POC1A: variants seen among roughly 807,000 people sequenced by gnomAD.
POC1A encodes POC1 centriolar protein homolog A.
Under a neutral mutation model 47.8 loss-of-function variants are expected in POC1A, and 34 were observed. The ratio of observed to expected loss-of-function variants is 0.71; its 90% confidence interval spans 0.54 to 0.95. The LOEUF (loss-of-function observed/expected upper bound fraction) is 0.95, where lower values mean the gene tolerates loss of function less well. POC1A is among the 40% of genes least tolerant of loss of function. The pLI is 0.00. For missense variants in POC1A, 466 were observed against 528.3 expected (o/e 0.88, Z 1.16); for synonymous variants, 177 against 207.6 (o/e 0.85, Z 1.27).
chr3:52,109,613 C>T (rs1703311692), intron 9 of POC1A, among the ~76,000 whole-genome samples: 2 of 152,110 alleles, frequency 1.3e-5, no homozygotes, highest in South Asian at 2.1e-4. Context: ...CTGGGATTTG[C>T]AAGCATAGGA....
chr3:52,106,510 CTAAA>C (rs1169677506), intron 9 of POC1A, among the ~76,000 whole-genome samples: 1 of 152,058 alleles, frequency 6.6e-6, no homozygotes, highest in Non-Finnish European at 1.5e-5. Context: ...GATCCTATTT[CTAAA>C]TAAATAAATA....
intron 6 of POC1A, among the ~76,000 whole-genome samples, chr3:52,141,873 C>T (rs1698204708): frequency 6.6e-6 from 1 of 152,104 alleles, no homozygotes; most frequent in Non-Finnish European, 1.5e-5. Flanking sequence ...GACAATGTAT[C>T]AGGCCAGGCG....
chr3:52,105,591 C>T (rs1046414148), intron 9 of POC1A, among the ~76,000 whole-genome samples: 13 of 152,300 alleles, frequency 8.5e-5, no homozygotes, highest in Admixed American at 8.5e-4. Flanking sequence ...AAGCCTATAC[C>T]GAATTCACCA....
chr3:52,096,692 G>C lies in POC1A; in HGVS notation c.1002C>G (p.Val334=), dbSNP rs573762556. ...CCACACTCCTGCCTCTGCCTGGGGG[G>C]ACAGGGAAGTCCACTTCTGGCTAAA... The part of the protein sequence containing the change: ...MGNLPEVDFP[V]PPGRGRSVES... Residue 334 remains valine (V), a synonymous_variant, in exon 10 of 11, where the codon GTC becomes GTG. Coordinates refer to ENST00000296484, the MANE Select transcript of POC1A (RefSeq NM_015426.5). 1.9e-6 allele frequency: 3 copies of C among 1,596,916 alleles called. No individual in the cohort carries two copies. Among genetic ancestry groups the C allele is most frequent in the African/African-American group, 1.4e-5 (1 of 73,648 alleles).
chr3:52,088,385 T>C (rs1400907305), intron 10 of POC1A, among the ~76,000 whole-genome samples: 3 of 152,208 alleles, frequency 2.0e-5, no homozygotes, highest in Non-Finnish European at 4.4e-5. Flanking sequence ...CCAAATGCCA[T>C]GCTAAGTTCA....
intron 6 of POC1A, among the ~76,000 whole-genome samples, chr3:52,140,057 T>C (rs899786142): frequency 4.6e-5 from 7 of 152,130 alleles, no homozygotes; most frequent in African/African-American, 1.7e-4. Flanking sequence ...CCAACCGTCA[T>C]CTTAGCACTG....
At chr3:52,083,697 GT>G (rs959100589) in intron 10 of POC1A, among the ~76,000 whole-genome samples, 5 of 152,190 alleles carry the variant, frequency 3.3e-5, no homozygotes, top group African/African-American at 9.7e-5. Flanking sequence ...CAGAGTGTGT[GT>G]CTGGCCACCT....
intron 7 of POC1A, among the ~76,000 whole-genome samples, chr3:52,128,876 C>G (rs1455109600): frequency 1.3e-5 from 2 of 152,198 alleles, no homozygotes; most frequent in East Asian, 3.8e-4. Flanking sequence ...ATGACACCTT[C>G]AATAGATCCT....
At chr3:52,118,120 C>T (rs1371378203) in intron 9 of POC1A, among the ~76,000 whole-genome samples, 3 of 152,210 alleles carry the variant, frequency 2.0e-5, no homozygotes, top group Admixed American at 2.0e-4. Flanking sequence ...TGCCCACCCT[C>T]AAGCCCCTCT....
intron 1 of POC1A, among the ~76,000 whole-genome samples, chr3:52,153,486 G>C (rs983327776): frequency 2.0e-5 from 3 of 152,246 alleles, no homozygotes; most frequent in Admixed American, 6.5e-5. Context: ...CAACAACAGA[G>C]GGAGGAGCAG....
At chr3:52,139,735 A>G (rs1698121490) in intron 6 of POC1A, among the ~76,000 whole-genome samples, 1 of 152,196 alleles carries the variant, frequency 6.6e-6, no homozygotes, top group East Asian at 1.9e-4. Context: ...AGCAGGACTC[A>G]GAAAGTGGTT....
At chr3:52,082,839 G>A (rs1421551367) in intron 10 of POC1A, among the ~76,000 whole-genome samples, 1 of 152,090 alleles carries the variant, frequency 6.6e-6, no homozygotes, top group African/African-American at 2.4e-5. Flanking sequence ...AGTAGAAGAG[G>A]AACACTGGCG....
chr3:52,107,757 T>G (rs1236648892), intron 9 of POC1A, among the ~76,000 whole-genome samples: 2 of 152,230 alleles, frequency 1.3e-5, no homozygotes, highest in Non-Finnish European at 2.9e-5. Context: ...GGAGAAAAGT[T>G]GCAAAAAATA....
intron 9 of POC1A, among the ~76,000 whole-genome samples, chr3:52,118,690 G>A (rs896394981): frequency 6.6e-6 from 1 of 152,232 alleles, no homozygotes; most frequent in Non-Finnish European, 1.5e-5. Flanking sequence ...GGGACATGGT[G>A]AGGAATTCAA....
chr3:52,099,321 C>T (rs144057032), intron 9 of POC1A, among the ~76,000 whole-genome samples: 1 of 152,230 alleles, frequency 6.6e-6, no homozygotes, highest in Admixed American at 6.5e-5. Context: ...CATGCCAGCA[C>T]TCTGGAGCTG....
intron 7 of POC1A, among the ~76,000 whole-genome samples, chr3:52,134,624 T>C (rs1391686244): frequency 6.6e-6 from 1 of 152,156 alleles, no homozygotes; most frequent in African/African-American, 2.4e-5. Context: ...AGGGCGAAAC[T>C]GTCTCTGAAT....
At chr3:52,076,100 C>T in intron 10 of POC1A, 115 bp from the exon 11 acceptor site, 1 of 737,856 alleles carries the variant, frequency 1.4e-6, no homozygotes, top group South Asian at 1.4e-5. Flanking sequence ...TGCCAGCTGG[C>T]TCTTTCCACC....
At chr3:52,103,404 T>TA (rs1703064731) in intron 9 of POC1A, among the ~76,000 whole-genome samples, 1 of 152,184 alleles carries the variant, frequency 6.6e-6, no homozygotes, top group Non-Finnish European at 1.5e-5. Context: ...CGGGCACCTG[T>TA]AATCCCACCT....
chr3:52,121,612 C>A (rs1306548786), intron 9 of POC1A, among the ~76,000 whole-genome samples: 1 of 152,102 alleles, frequency 6.6e-6, no homozygotes, highest in Non-Finnish European at 1.5e-5. Context: ...TCGCTGGAGG[C>A]CTTGGGCGAG....
Sources: gnomAD v4.1 joint callset for allele counts (sites outside exome capture counted in the v4.1 genomes callset) on GRCh38, gnomAD v4.1.1 for gene constraint, MANE v1.5 for transcripts, NCBI Gene and HGNC (gene_info 2026-07-23, HGNC 2026-07-21) for gene names.